The following ACTR3C variants were observed in gnomAD, a reference collection of about 807,000 sequenced individuals.
ACTR3C encodes the protein actin-related protein 3C.
ACTR3C carries 18 observed loss-of-function variants against 26.3 expected under a neutral mutation model. That is an observed-to-expected ratio of 0.68 (90% CI 0.47 to 1.01). The LOEUF (loss-of-function observed/expected upper bound fraction) is 1.01, where lower values mean the gene tolerates loss of function less well. ACTR3C is among the 50% of genes least tolerant of loss of function. The pLI, the probability that ACTR3C is intolerant of heterozygous loss-of-function variation, is 0.00. For synonymous variants in ACTR3C, 55 were observed against 94.5 expected, an observed-to-expected ratio of 0.58 and a Z score of 2.42; for missense variants, 184 against 250.7, an observed-to-expected ratio of 0.73 and a Z score of 1.80.
At chr7:150,048,475 G>A in the ACTR3C span, among the ~76,000 whole-genome samples, 1 of 152,122 alleles carries the variant, frequency 6.6e-6, no homozygotes, top group Non-Finnish European at 1.5e-5. Context: ...CACGCGGGTC[G>A]TGGGTGCGGG....
At chr7:150,033,762 GCTTCCA>G in the ACTR3C span, among the ~76,000 whole-genome samples, 1 of 150,624 alleles carries the variant, frequency 6.6e-6, no homozygotes, top group African/African-American at 2.4e-5. Context: ...CGTGGGGGGT[GCTTCCA>G]CCTCCTGCGA....
the ACTR3C span, among the ~76,000 whole-genome samples, chr7:150,163,661 G>GTA: frequency 6.6e-6 from 1 of 151,760 alleles, no homozygotes; most frequent in Non-Finnish European, 1.5e-5. Context: ...AAAGCCAGTG[G>GTA]TATAATTCAG....
the ACTR3C span, among the ~76,000 whole-genome samples, chr7:150,150,267 C>T: frequency 2.6e-5 from 4 of 152,188 alleles, no homozygotes; most frequent in Non-Finnish European, 4.4e-5. Context: ...TTTTATATTT[C>T]CCCATATGGG....
the ACTR3C span, among the ~76,000 whole-genome samples, chr7:149,962,817 CT>C: frequency 6.6e-6 from 1 of 152,192 alleles, no homozygotes; most frequent in African/African-American, 2.4e-5. Flanking sequence ...CGGCATTCCC[CT>C]GGGTGCTATC....
the ACTR3C span, among the ~76,000 whole-genome samples, chr7:150,037,121 A>G: frequency 4.9e-4 from 22 of 45,092 alleles, no homozygotes; most frequent in East Asian, 2.0e-3. Flanking sequence ...GGGAAGAGGG[A>G]CTGGCTCTCA....
intron 1 of ACTR3C, chr7:150,302,953 C>T (rs1449388907): frequency 6.6e-6 from 1 of 152,254 alleles, no homozygotes; most frequent in Admixed American, 6.5e-5. Flanking sequence ...AAAATCCAGC[C>T]AGAGTTGTGA....
At chr7:150,278,494 C>T (rs1835065755) in intron 6 of ACTR3C, among the ~76,000 whole-genome samples, 1 of 152,218 alleles carries the variant, frequency 6.6e-6, no homozygotes, top group South Asian at 2.1e-4. Context: ...GCTCTTGCGG[C>T]TCTCCCAGCA....
chr7:149,922,970 C>CTTTTTTTTTTTTTTTTTTTTTT, the ACTR3C span, among the ~76,000 whole-genome samples: 1 of 69,146 alleles, frequency 1.4e-5, no homozygotes, highest in African/African-American at 5.4e-5. Flanking sequence ...AAATAAAAGG[C>CTTTTTTTTTTTTTTTTTTTTTT]TTTTTTTTTT....
At chr7:150,042,468 A>G in the ACTR3C span, among the ~76,000 whole-genome samples, 2 of 141,086 alleles carry the variant, frequency 1.4e-5, no homozygotes, top group Admixed American at 7.2e-5. Flanking sequence ...CCAGGGGAGG[A>G]AAGGGGGAGG....
chr7:150,145,025 G>A, the ACTR3C span, among the ~76,000 whole-genome samples: 3 of 150,610 alleles, frequency 2.0e-5, no homozygotes, highest in Admixed American at 6.6e-5. Context: ...ACTCCAGCCT[G>A]GTGGACAGTG....
chr7:149,963,102 G>A, the ACTR3C span, among the ~76,000 whole-genome samples: 3 of 152,230 alleles, frequency 2.0e-5, no homozygotes, highest in Admixed American at 1.3e-4. Flanking sequence ...AGACTCACTC[G>A]GTCCTGTGGG....
At chr7:150,023,168 G>T in the ACTR3C span, among the ~76,000 whole-genome samples, 6 of 73,828 alleles carry the variant, frequency 8.1e-5, no homozygotes, top group South Asian at 1.0e-3. Flanking sequence ...TATCTATATA[G>T]ATATATAGAT....
chr7:150,176,377 T>C, the ACTR3C span, among the ~76,000 whole-genome samples: 1 of 150,716 alleles, frequency 6.6e-6, no homozygotes, highest in East Asian at 1.9e-4. Context: ...CCTTTAAGAT[T>C]CCAAAATACT....
chr7:149,924,088 T>C, the ACTR3C span, among the ~76,000 whole-genome samples: 1 of 149,984 alleles, frequency 6.7e-6, no homozygotes, highest in African/African-American at 2.5e-5. Context: ...AAAGATTGTA[T>C]CTCCTAGCCA....
chr7:150,047,989 C>G, the ACTR3C span: 1 of 1,191,576 alleles, frequency 8.4e-7, no homozygotes, highest in Non-Finnish European at 1.1e-6. Context: ...GCAAGCCCAG[C>G]GCCGGCGACC....
chr7:149,910,609 G>A, the ACTR3C span, among the ~76,000 whole-genome samples: 5 of 152,010 alleles, frequency 3.3e-5, no homozygotes, highest in East Asian at 5.8e-4. Context: ...CAACCAAGCC[G>A]TCATTCTGTA....
the ACTR3C span, among the ~76,000 whole-genome samples, chr7:150,220,323 G>A: frequency 6.8e-6 from 1 of 146,620 alleles, no homozygotes; most frequent in Admixed American, 6.6e-5. Flanking sequence ...GAAGTTGAGG[G>A]GCCCAGATTC....
intron 1 of ACTR3C, among the ~76,000 whole-genome samples, chr7:150,317,270 G>A (rs988151043): frequency 6.6e-6 from 1 of 152,124 alleles, no homozygotes; most frequent in East Asian, 1.9e-4. Context: ...GGCTGGTCTC[G>A]AACTTATGGA....
At chr7:150,091,794 A>G in the ACTR3C span, among the ~76,000 whole-genome samples, 1 of 150,010 alleles carries the variant, frequency 6.7e-6, no homozygotes, top group Non-Finnish European at 1.5e-5. Context: ...CATCCTGGCT[A>G]ACACGGTGAA....
Sources: allele counts gnomAD v4.1 joint callset (sites outside exome capture counted in the v4.1 genomes callset), GRCh38; gene constraint gnomAD v4.1.1; transcripts MANE v1.5; gene names NCBI Gene and HGNC (gene_info 2026-07-23, HGNC 2026-07-21).